AKAP6: variants seen among roughly 807,000 people sequenced by gnomAD.
AKAP6 encodes A-kinase anchoring protein 6.
A neutral mutation model predicts 188.5 loss-of-function variants in AKAP6; 58 were observed. The observed-to-expected ratio is 0.31, with a 90% CI of 0.25 to 0.38. AKAP6 has a LOEUF of 0.38. AKAP6 is among the 10% of genes least tolerant of loss of function. AKAP6 has a pLI of 1.00. For missense variants in AKAP6, 2,710 were observed against 2,740.0 expected (o/e 0.99, Z 0.24); for synonymous variants, 989 against 998.6 (o/e 0.99, Z 0.18).
In AKAP6 at chr14:32,458,326, G is replaced by C. The variant is rs191432469; in HGVS notation, c.324+24509G>C. On this transcript the variant is annotated intron_variant, in intron 2 of 13. Coordinates refer to ENST00000280979, the MANE Select transcript of AKAP6 (RefSeq NM_004274.5). ...AACTTGAAGAAGCTTTTAACTTCTG[G>C]TATGTTGTTTTTTTCTTCAGTAAAG... Among the ~76,000 whole-genome samples, 12 of 152,168 alleles carry C rather than the reference G, an allele frequency of 7.9e-5. No homozygotes were observed. The East Asian group carries it at 1.7e-3, about 22-fold the overall frequency.
Position 32,735,804 on chromosome 14 carries a change from G to A in AKAP6, c.3294G>A (p.Glu1098=). 6.2e-7 allele frequency: 1 copy of A among 1,613,380 alleles called. No individual in the cohort carries two copies. The highest frequency in any genetic ancestry group is 8.5e-7 in the Non-Finnish European group (1 of 1,179,680). Reference sequence around the variant, plus strand: ...TGAAAGGATGGCTAAGAGATACAGAGCTTTTCATCTTCAATTCCTGTCTGA... The same window carrying A: ...TGAAAGGATGGCTAAGAGATACAGAACTTTTCATCTTCAATTCCTGTCTGA... ...KELKGWLRDT[E]LFIFNSCLRQ... Residue 1098 remains glutamate, a synonymous_variant, in exon 11 of 14, where the codon GAG becomes GAA. Coordinates refer to ENST00000280979, the MANE Select transcript of AKAP6 (RefSeq NM_004274.5).
At chr14:32,746,411 C>T (rs1252802131) in intron 11 of AKAP6, among the ~76,000 whole-genome samples, 3 of 152,112 alleles carry the variant, frequency 2.0e-5, no homozygotes, top group African/African-American at 4.8e-5. Context: ...CTTGGACCTT[C>T]CTTTCAAGGT....
At chr14:32,724,574 T>G (rs1482135393) in intron 9 of AKAP6, among the ~76,000 whole-genome samples, 1 of 152,200 alleles carries the variant, frequency 6.6e-6, no homozygotes, top group Non-Finnish European at 1.5e-5. Flanking sequence ...ATAATAGGAT[T>G]GAATTTCTAT....
chr14:32,508,831 CTT>C (rs200344461), intron 2 of AKAP6, among the ~76,000 whole-genome samples: 1 of 146,048 alleles, frequency 6.8e-6, no homozygotes, highest in Non-Finnish European at 1.5e-5. Context: ...TGAGTACCTA[CTT>C]TTTTTTTTTT....
intron 2 of AKAP6, among the ~76,000 whole-genome samples, chr14:32,453,570 CTTTTCTTTTTTTTTTTTTTTTTTTTTT>C (rs1891006868): frequency 1.4e-5 from 1 of 70,914 alleles, no homozygotes; most frequent in Non-Finnish European, 2.5e-5. Flanking sequence ...TAGAATTTTT[CTTTTCTTTTTTTTTTTTTTTTTTTTTT>C]TTTTTTTTTT....
intron 2 of AKAP6, among the ~76,000 whole-genome samples, chr14:32,458,715 T>C (rs1300036978): frequency 6.6e-6 from 1 of 151,722 alleles, no homozygotes; most frequent in Non-Finnish European, 1.5e-5. Context: ...CAAAAACAAT[T>C]GAGAAAATGA....
chr14:32,605,452 C>T (rs139837912), intron 7 of AKAP6, among the ~76,000 whole-genome samples: 1 of 152,192 alleles, frequency 6.6e-6, no homozygotes, highest in Non-Finnish European at 1.5e-5. Context: ...ACAGACTGCA[C>T]CAAGACGTAA....
intron 11 of AKAP6, among the ~76,000 whole-genome samples, chr14:32,765,692 T>C (rs11156762): frequency 0.58 from 86,444 of 149,968 alleles, 26,792 homozygotes; most frequent in Admixed American, 0.71. Flanking sequence ...TCCGAGGACA[T>C]TTTATAGCCA....
intron 1 of AKAP6, among the ~76,000 whole-genome samples, chr14:32,345,912 C>T (rs987761492): frequency 6.6e-6 from 1 of 152,104 alleles, no homozygotes; most frequent in African/African-American, 2.4e-5. Flanking sequence ...CAGAGGTTTC[C>T]AAACTGTTTT....
chr14:32,669,199 T>A (rs935197434), intron 7 of AKAP6, among the ~76,000 whole-genome samples: 6 of 152,156 alleles, frequency 3.9e-5, no homozygotes, highest in Admixed American at 3.9e-4. Flanking sequence ...GATGTATTTG[T>A]TGAATGAATA....
intron 11 of AKAP6, among the ~76,000 whole-genome samples, chr14:32,741,826 T>G (rs2031691232): frequency 6.8e-6 from 1 of 146,418 alleles, no homozygotes; most frequent in Non-Finnish European, 1.5e-5. Flanking sequence ...TAGGTTTTTT[T>G]TTTTTTTTTT....
intron 10 of AKAP6, among the ~76,000 whole-genome samples, chr14:32,735,319 C>T (rs1048175964): frequency 2.6e-5 from 4 of 151,910 alleles, no homozygotes; most frequent in Non-Finnish European, 4.4e-5. Flanking sequence ...TTCTCTGTGA[C>T]CAAAAAATTC....
At chr14:32,558,082 T>G (rs1283476633) in intron 4 of AKAP6, among the ~76,000 whole-genome samples, 1 of 152,154 alleles carries the variant, frequency 6.6e-6, no homozygotes, top group African/African-American at 2.4e-5. Context: ...AAAACTAGGA[T>G]TTAGTTAAAT....
Position 32,822,554 on chromosome 14 carries a change from G to A in AKAP6, c.4741G>A (p.Gly1581Ser), listed in dbSNP as rs201560998. 3 of 1,613,894 alleles carry A rather than the reference G, an allele frequency of 1.9e-6. No homozygotes were observed. In the East Asian group the frequency reaches 6.7e-5, roughly 36 times the overall value. The part of the protein sequence containing the change: ...LSPGGDLFGL[G>S]IFKNGSDSLQ... Reference sequence around the variant, plus strand: ...TCCAGGGGGTGATTTATTTGGATTGGGCATCTTTAAAAATGGCAGTGACAG... The same window carrying A: ...TCCAGGGGGTGATTTATTTGGATTGAGCATCTTTAAAAATGGCAGTGACAG... Residue 1581 changes from glycine to serine, a missense_variant, in exon 13 of 14, where the codon GGC becomes AGC. By Grantham distance (56) the Gly-to-Ser change is moderately conservative (BLOSUM62 0). Coordinates refer to ENST00000280979, the MANE Select transcript of AKAP6 (RefSeq NM_004274.5).
At chr14:32,349,114 C>G (rs994644169) in intron 1 of AKAP6, among the ~76,000 whole-genome samples, 1 of 152,162 alleles carries the variant, frequency 6.6e-6, no homozygotes, top group African/African-American at 2.4e-5. Flanking sequence ...GTTTGACGTA[C>G]AGGATTTGTT....
At chr14:32,688,760 A>G (rs1309566231) in intron 8 of AKAP6, among the ~76,000 whole-genome samples, 1 of 152,164 alleles carries the variant, frequency 6.6e-6, no homozygotes, top group Admixed American at 6.5e-5. Context: ...AGCACAATTC[A>G]GTAAGAACAG....
At chr14:32,769,797 C>T (rs2032841976) in intron 11 of AKAP6, among the ~76,000 whole-genome samples, 1 of 151,808 alleles carries the variant, frequency 6.6e-6, no homozygotes, top group Non-Finnish European at 1.5e-5. Context: ...TCTTACATCT[C>T]ATTTGCTGTA....
At chr14:32,439,094 T>G (rs1890482361) in intron 2 of AKAP6, 1 of 152,184 alleles carries the variant, frequency 6.6e-6, no homozygotes, top group South Asian at 2.1e-4. Flanking sequence ...TATCTTTGAT[T>G]GATTGTGACA....
chr14:32,804,583 A>G (rs2034039869), intron 12 of AKAP6, among the ~76,000 whole-genome samples: 3 of 152,328 alleles, frequency 2.0e-5, no homozygotes, highest in South Asian at 4.1e-4. Context: ...ATAAGGGTCT[A>G]TGTTCAGCTG....
Sources: allele counts gnomAD v4.1 joint callset (sites outside exome capture counted in the v4.1 genomes callset), GRCh38; gene constraint gnomAD v4.1.1; transcripts MANE v1.5; gene names NCBI Gene and HGNC (gene_info 2026-07-23, HGNC 2026-07-21).